DENND4A: variants seen among roughly 807,000 people sequenced by gnomAD.
DENND4A encodes the protein DENN domain containing 4A.
A neutral mutation model predicts 199.3 loss-of-function variants in DENND4A; 70 were observed. The ratio of observed to expected loss-of-function variants is 0.35; its 90% CI spans 0.29 to 0.43. The LOEUF (loss-of-function observed/expected upper bound fraction) is 0.43. Ranked by LOEUF, DENND4A falls within the 20% of genes least tolerant of loss-of-function variation. The pLI, the probability that DENND4A is intolerant of heterozygous loss-of-function variation, is 1.00. For missense variants in DENND4A, 1,723 were observed against 2,255.8 expected (o/e 0.76, Z 4.78); for synonymous variants, 686 against 766.9 (o/e 0.89, Z 1.74).
intron 4 of DENND4A, among the ~76,000 whole-genome samples, chr15:65,745,949 C>T (rs1005013461): frequency 1.3e-5 from 2 of 151,178 alleles, no homozygotes; most frequent in Admixed American, 6.6e-5. Flanking sequence ...GCCTGGCCAA[C>T]ATGGTGAAAC....
In DENND4A at chr15:65,727,452, C is replaced by CAA. The variant is rs35066518; in HGVS notation, c.1487+1618_1487+1619dup. Among the ~76,000 whole-genome samples the CAA allele has an allele frequency of 2.9e-3, 201 of 68,594 alleles. 2 individuals carry two copies. The highest frequency in any genetic ancestry group is 9.0e-3 in the African/African-American group (154 of 17,122). The allele number at this position is 68,594 out of a possible 152,430, so 45.0% of individuals were successfully genotyped here. On this transcript the variant is annotated intron_variant, in intron 11 of 32. Coordinates refer to ENST00000443035, the MANE Select transcript of DENND4A (RefSeq NM_001320835.1). ...TGGGTGACAAAGCGAGACTCCGTCT[C>CAA]AAAAAAAAAAAAAAAAAAAAAAAAT...
In DENND4A at chr15:65,737,721, G is replaced by A. The variant is rs1243006251; in HGVS notation, c.1026C>T (p.Val342=). ...LYRYSISGPH[V]LPIEKHISHF... is the part of the protein sequence containing the mutation. ...ACTTAACTTACTTCTCAATTGGAAGGACATGAGGCCCAGAGATGGAATAAC... is the reference window on the plus strand; with the variant it reads ...ACTTAACTTACTTCTCAATTGGAAGAACATGAGGCCCAGAGATGGAATAAC... The change falls in exon 7 of 33, where the codon GTC becomes GTT. Residue 342 remains valine, a synonymous_variant. Coordinates refer to ENST00000443035, the MANE Select transcript of DENND4A (RefSeq NM_001320835.1). The A allele has an allele frequency of 1.3e-6, 2 of 1,574,068 alleles. No individual in the cohort carries two copies. Among genetic ancestry groups the A allele is most frequent in the African/African-American group, 1.4e-5 (1 of 73,892 alleles).
chr15:65,665,887 G>A (rs1466733732), intron 29 of DENND4A, among the ~76,000 whole-genome samples: 1 of 152,206 alleles, frequency 6.6e-6, no homozygotes, highest in Non-Finnish European at 1.5e-5. Flanking sequence ...CACAAGAAGA[G>A]AGAAGGCAAG....
At chr15:65,772,140 A>G (rs2140890874) in intron 1 of DENND4A, 2 of 759,974 alleles carry the variant, frequency 2.6e-6, no homozygotes, top group South Asian at 1.6e-5. Flanking sequence ...GTTCCCCTCC[A>G]TAGCTTGCTC....
chr15:65,771,783 T>C, intron 1 of DENND4A: 2 of 1,613,718 alleles, frequency 1.2e-6, no homozygotes, highest in Admixed American at 3.3e-5. Context: ...GGTGGTTACA[T>C]GCTTGTTCTT....
At chr15:65,664,768 A>C (rs781553999) in intron 30 of DENND4A, 46 bp from the exon 31 acceptor site, 1 of 1,501,564 alleles carries the variant, frequency 6.7e-7, no homozygotes, top group Non-Finnish European at 9.0e-7. Context: ...TTCTGTGTAG[A>C]AAGGAGAAAG....
intron 14 of DENND4A, among the ~76,000 whole-genome samples, chr15:65,707,387 A>T (rs1249685668): frequency 6.6e-6 from 1 of 152,208 alleles, no homozygotes; most frequent in Non-Finnish European, 1.5e-5. Flanking sequence ...AAGTAGTTAA[A>T]CCTTTAAGAT....
intron 12 of DENND4A, among the ~76,000 whole-genome samples, chr15:65,720,888 T>C (rs1007758920): frequency 1.4e-5 from 2 of 146,574 alleles, no homozygotes; most frequent in African/African-American, 2.5e-5. Context: ...TTTAAATGTT[T>C]GTAGTTTTAA....
At position 65,697,401 on chromosome 15, in the gene DENND4A, A is replaced by G; in HGVS notation, c.2834-18T>C. ...CTGGCCACCTGGTAAAAACAAAAAT[A>G]AACAAAACTCTATTAGAAACTTCTT... is the stretch of plus-strand genomic sequence containing the variant. On this transcript the variant is annotated intron_variant, in intron 20 of 32. Transcript: ENST00000443035. The G allele has an allele frequency of 2.0e-6, 3 of 1,482,806 alleles. No individual in the cohort carries two copies. The highest frequency in any genetic ancestry group is 2.3e-5 in the East Asian group (1 of 43,790). 91.9% of individuals were successfully genotyped at this position (1,482,806 alleles called of 1,614,324 possible). A position where few individuals can be genotyped will look rare whatever the true frequency, so the allele number is the denominator to read the frequency against.
intron 6 of DENND4A, among the ~76,000 whole-genome samples, chr15:65,738,254 T>A (rs2076166152): frequency 6.6e-6 from 1 of 152,122 alleles, no homozygotes; most frequent in Non-Finnish European, 1.5e-5. Flanking sequence ...TGGTAGAAAG[T>A]GAGATGAAAC....
chr15:65,739,806 C>T (rs1382259302), intron 5 of DENND4A, among the ~76,000 whole-genome samples: 1 of 152,138 alleles, frequency 6.6e-6, no homozygotes, highest in Non-Finnish European at 1.5e-5. Context: ...AAGTAGGTCC[C>T]ATGAGGATCT....
intron 1 of DENND4A, among the ~76,000 whole-genome samples, chr15:65,776,859 C>T (rs2077297079): frequency 6.6e-6 from 1 of 152,286 alleles, no homozygotes; most frequent in Non-Finnish European, 1.5e-5. Flanking sequence ...AGAAATCATG[C>T]TACCCCAGGG....
chr15:65,749,890 C>A (rs2076514482), intron 4 of DENND4A, among the ~76,000 whole-genome samples: 1 of 152,064 alleles, frequency 6.6e-6, no homozygotes, highest in African/African-American at 2.4e-5. Context: ...CTCATGGACC[C>A]ATCAGTTCCA....
rs2075838555 is a variant in DENND4A, at chr15:65,661,294, A to T, written c.*557T>A. 6.6e-6 allele frequency: 1 copy of T among 152,240 alleles called. No individual in the cohort carries two copies. The highest frequency in any genetic ancestry group is 1.5e-5 in the Non-Finnish European group (1 of 68,060). 9.4% of individuals were successfully genotyped at this position (152,240 alleles called of 1,614,324 possible). A position where few individuals can be genotyped will look rare whatever the true frequency, so the allele number is the denominator to read the frequency against. On this transcript the variant is annotated 3_prime_UTR_variant, in exon 33 of 33. Transcript: ENST00000443035. ...ACACAGAGAGATCTGCAGCTGTACT[A>T]ATTACTTCAAATAGCAGCAGACAAG...
chr15:65,700,736 T>G (rs2074839551), intron 19 of DENND4A, 61 bp from the exon 20 acceptor site: 1 of 1,430,064 alleles, frequency 7.0e-7, no homozygotes, highest in African/African-American at 1.5e-5. Flanking sequence ...ATTAATTTGT[T>G]GCTCAAGCTA....
chr15:65,702,275 A>C (rs1264100134), intron 17 of DENND4A, 30 bp downstream of exon 17: 1 of 1,531,796 alleles, frequency 6.5e-7, no homozygotes, highest in Non-Finnish European at 8.9e-7. Flanking sequence ...TCTCAAAAAA[A>C]TAAAATAACA....
intron 4 of DENND4A, among the ~76,000 whole-genome samples, chr15:65,745,358 C>A (rs758108288): frequency 5.3e-5 from 8 of 151,994 alleles, no homozygotes; most frequent in Non-Finnish European, 8.8e-5. Context: ...AAAATAAAAA[C>A]CCTTAACCTT....
At chr15:65,674,382 G>A (rs139412601) in intron 24 of DENND4A, among the ~76,000 whole-genome samples, 97 of 152,290 alleles carry the variant, frequency 6.4e-4, no homozygotes, top group Non-Finnish European at 1.1e-3. Context: ...ACATGGGCAC[G>A]AGAGAGGGTT....
intron 11 of DENND4A, among the ~76,000 whole-genome samples, chr15:65,724,994 C>T (rs1238689093): frequency 1.3e-5 from 2 of 152,154 alleles, no homozygotes; most frequent in African/African-American, 4.8e-5. Context: ...AATGAATGAA[C>T]AACATCTTGG....
Sources: gnomAD v4.1 joint callset for allele counts (sites outside exome capture counted in the v4.1 genomes callset) on GRCh38, gnomAD v4.1.1 for gene constraint, MANE v1.5 for transcripts, NCBI Gene and HGNC (gene_info 2026-07-23, HGNC 2026-07-21) for gene names.